RBL2: variants seen among roughly 807,000 people sequenced by gnomAD.
The protein encoded by RBL2 is RB transcriptional corepressor like 2, also known as retinoblastoma-like protein 2.
In RBL2, 56 loss-of-function variants were observed where a neutral mutation model predicts 126.0. The observed-to-expected ratio is 0.44, with a 90% confidence interval of 0.36 to 0.56. RBL2 has a LOEUF of 0.56. RBL2 is among the 20% of genes least tolerant of loss of function. RBL2 has a pLI of 0.00. For synonymous variants in RBL2, 454 were observed against 478.5 expected, an observed-to-expected ratio of 0.95 and a Z score of 0.67; for missense variants, 1,229 against 1,398.2, an observed-to-expected ratio of 0.88 and a Z score of 1.93.
rs1751403957 is a variant in RBL2 at position 53,434,564 on chromosome 16, C to T, written c.8C>T (p.Ser3Leu). ...GCCGCCCAGGGGTGCGCTATGCCGT[C>T]GGGAGGTGACCAGTCGCCACCGCCC... MPSGGDQSPPPPP... is the reference protein window; with the variant it reads MPLGGDQSPPPPP... The change falls in exon 1 of 22, where the codon TCG becomes TTG. Residue 3 changes from serine (S) to leucine (L), a missense_variant. Ser to Leu is a moderately radical substitution (Grantham distance 145). Transcript: ENST00000262133. 1.3e-6 allele frequency: 2 copies of T among 1,519,866 alleles called. No individual in the cohort carries two copies. Among genetic ancestry groups the T allele is most frequent in the Admixed American group, 1.9e-5 (1 of 51,744 alleles). The allele number at this position is 1,519,866 out of a possible 1,614,324, so 94.1% of individuals were successfully genotyped here.
At chr16:53,469,010 A>C (rs1432054467) in intron 14 of RBL2, among the ~76,000 whole-genome samples, 1 of 152,202 alleles carries the variant, frequency 6.6e-6, no homozygotes, top group African/African-American at 2.4e-5. Flanking sequence ...CGGGTGGATC[A>C]CCTGAGGTCA....
At chr16:53,469,470 C>T (rs2058300676) in intron 14 of RBL2, among the ~76,000 whole-genome samples, 1 of 152,074 alleles carries the variant, frequency 6.6e-6, no homozygotes, top group Non-Finnish European at 1.5e-5. Context: ...GACATACTAC[C>T]AATCAGGTCC....
chr16:53,482,110 T>C (rs1199006676), intron 21 of RBL2, among the ~76,000 whole-genome samples: 3 of 152,216 alleles, frequency 2.0e-5, no homozygotes, highest in Non-Finnish European at 4.4e-5. Flanking sequence ...AACCTGAAAT[T>C]TGTGTTTATC....
At chr16:53,470,989 T>C in intron 17 of RBL2, 67 bp downstream of exon 17, 1 of 1,451,802 alleles carries the variant, frequency 6.9e-7, no homozygotes, top group East Asian at 2.3e-5. Context: ...TTTTAACCAC[T>C]GTCTTGAGAT....
At chr16:53,480,800 T>C (rs1250030642) in intron 20 of RBL2, 31 bp downstream of exon 20, 1 of 1,578,968 alleles carries the variant, frequency 6.3e-7, no homozygotes, top group East Asian at 2.2e-5. Context: ...TTCATACTTT[T>C]TTCACTCATG....
chr16:53,441,043 T>G (rs1025887807), intron 2 of RBL2, among the ~76,000 whole-genome samples: 1 of 127,434 alleles, frequency 7.8e-6, no homozygotes, highest in Non-Finnish European at 1.6e-5. Flanking sequence ...CACTGCAACC[T>G]CCACTTCCCA....
At chr16:53,459,896 A>G (rs185130012) in intron 9 of RBL2, among the ~76,000 whole-genome samples, 6 of 147,978 alleles carry the variant, frequency 4.1e-5, no homozygotes, top group Admixed American at 2.7e-4. Flanking sequence ...TGTTCTTTCA[A>G]GATTTCAGGG....
In RBL2 at chr16:53,434,513, C is replaced by T. The variant is rs754959645; in HGVS notation, c.-44C>T. On this transcript the variant is annotated 5_prime_UTR_variant, in exon 1 of 22. Transcript: ENST00000262133. ...TTCGCCGTTTGAATGGCTGCGGGCC[C>T]GGGCCCTCACCTCACCTGAGGTCCG... is the stretch of plus-strand genomic sequence containing the variant. The T allele has an allele frequency of 3.9e-5, 54 of 1,370,856 alleles. No individual in the cohort carries two copies. The East Asian group carries it at 1.4e-3, about 35-fold the overall frequency. The allele number at this position is 1,370,856 out of a possible 1,614,324, so 84.9% of individuals were successfully genotyped here. A position where few individuals can be genotyped will look rare whatever the true frequency, so the allele number is the denominator to read the frequency against.
At chr16:53,480,845 C>A (rs1960917105) in intron 20 of RBL2, 76 bp downstream of exon 20, 2 of 1,414,904 alleles carry the variant, frequency 1.4e-6, no homozygotes, top group East Asian at 2.4e-5. Context: ...TATATATGGA[C>A]CATTCACCTG....
chr16:53,473,650 C>T (rs912900066), intron 17 of RBL2, among the ~76,000 whole-genome samples: 2 of 151,678 alleles, frequency 1.3e-5, no homozygotes, highest in Non-Finnish European at 2.9e-5. Context: ...CTTTTTCTTT[C>T]CTAATTATCT....
chr16:53,443,202 AT>A (rs1289165938), intron 3 of RBL2: 1 of 155,460 alleles, frequency 6.4e-6, no homozygotes, highest in East Asian at 1.9e-4. Flanking sequence ...AGACTTAGGG[AT>A]TTTCACCCTT....
intron 21 of RBL2, among the ~76,000 whole-genome samples, chr16:53,485,693 T>TA (rs899806736): frequency 5.4e-4 from 78 of 145,504 alleles, no homozygotes; most frequent in South Asian, 2.4e-3. Context: ...GTCTCTACTT[T>TA]AAAAAAAAAA....
rs544614058 is a variant in RBL2, at chr16:53,440,820, C to A, written c.371+1674C>A. Among the ~76,000 whole-genome samples, 3 of 152,202 alleles carry A rather than the reference C, an allele frequency of 2.0e-5. 1 individual carries two copies. Among genetic ancestry groups the A allele is most frequent in the African/African-American group, 7.2e-5 (3 of 41,504 alleles). On this transcript the variant is annotated intron_variant, in intron 2 of 21. Coordinates refer to ENST00000262133, the MANE Select transcript of RBL2 (RefSeq NM_005611.4). ...CCACCCGCCTTGGACTCCCAAAGTG[C>A]TGGCATTACAGGTGTGAGCCACCAT...
chr16:53,451,432 A>G (rs1221060017), intron 4 of RBL2, among the ~76,000 whole-genome samples: 1 of 151,960 alleles, frequency 6.6e-6, no homozygotes, highest in Non-Finnish European at 1.5e-5. Context: ...CTTGAGCCCA[A>G]GAGGTTGAGG....
At position 53,491,091 on chromosome 16, in the gene RBL2, A is replaced by AC. The variant is rs1961415886; in HGVS notation, c.*795dup. ...TTTTATATTTTTTTAAAATGTTAAA[A>AC]CCCCTATAGCCACCTTTTGGGAATG... On this transcript the variant is annotated 3_prime_UTR_variant, in exon 22 of 22. Transcript: ENST00000262133. 1.3e-5 allele frequency: 2 copies of AC among 152,550 alleles called. No individual in the cohort carries two copies. The allele number at this position is 152,550 out of a possible 1,614,324, so 9.4% of individuals were successfully genotyped here. A position where few individuals can be genotyped will look rare whatever the true frequency, so the allele number is the denominator to read the frequency against.
intron 17 of RBL2, among the ~76,000 whole-genome samples, chr16:53,478,626 A>G (rs1325773458): frequency 8.7e-6 from 1 of 114,538 alleles, no homozygotes; most frequent in Non-Finnish European, 1.8e-5. Context: ...GTACTTTTCT[A>G]CTCCAAGTCT....
Position 53,481,763 on chromosome 16 carries a change from C to T in RBL2, c.3177C>T (p.Ser1059=), listed in dbSNP as rs374173754. The T allele has an allele frequency of 4.4e-6, 7 of 1,595,930 alleles. No individual in the cohort carries two copies. In the African/African-American group the frequency reaches 8.1e-5, roughly 18 times the overall value. ...QLSQNHPVYI[S]PHKNETMLSP... ...CTCAAAATCATCCTGTCTACATTTC[C>T]CCACATAAAAATGAAACAATGCTTT... The change falls in exon 21 of 22, where the codon TCC becomes TCT. Residue 1059 remains serine (S), a synonymous_variant. Transcript: ENST00000262133.
At chr16:53,472,190 C>T (rs1451532947) in intron 17 of RBL2, among the ~76,000 whole-genome samples, 2 of 152,182 alleles carry the variant, frequency 1.3e-5, no homozygotes, top group East Asian at 3.9e-4. Flanking sequence ...CTGTTTCCAA[C>T]TGTTGGCTAT....
intron 3 of RBL2, among the ~76,000 whole-genome samples, chr16:53,444,552 T>TAATAAATA (rs34915161): frequency 0.013 from 1,882 of 143,332 alleles, 47 homozygotes; most frequent in African/African-American, 0.045. Flanking sequence ...GACTCCATTT[T>TAATAAATA]AATAAATAAA....
Sources: allele counts gnomAD v4.1 joint callset (sites outside exome capture counted in the v4.1 genomes callset), GRCh38; gene constraint gnomAD v4.1.1; transcripts MANE v1.5; gene names NCBI Gene and HGNC (gene_info 2026-07-23, HGNC 2026-07-21).